Variants in TRPM3 observed in about 807,000 individuals in gnomAD.
TRPM3 encodes the protein transient receptor potential cation channel subfamily M member 3, also known as long transient receptor potential channel 3.
A neutral mutation model predicts 181.2 loss-of-function variants in TRPM3; 77 were observed. The observed-to-expected ratio is 0.42, with a 90% confidence interval of 0.35 to 0.51. The LOEUF is 0.51. Ranked by LOEUF, TRPM3 falls within the 20% of genes least tolerant of loss-of-function variation. The probability of loss-of-function intolerance (pLI) is 0.01; values close to 1 mark genes in which losing one functional copy is unlikely to be tolerated. For missense variants in TRPM3, 1,759 were observed against 2,196.7 expected (o/e 0.80, Z 3.98); for synonymous variants, 745 against 796.4 (o/e 0.94, Z 1.09).
At chr9:71,162,215 A>AAG (rs2076311818) in intron 1 of TRPM3, among the ~76,000 whole-genome samples, 1 of 150,520 alleles carries the variant, frequency 6.6e-6, no homozygotes, top group East Asian at 1.9e-4. Context: ...AAAAAAAAAA[A>AAG]AAAAAGAAGA....
At chr9:71,222,487 A>G (rs1451802491) in intron 1 of TRPM3, among the ~76,000 whole-genome samples, 1 of 152,202 alleles carries the variant, frequency 6.6e-6, no homozygotes, top group Non-Finnish European at 1.5e-5. Flanking sequence ...AAGTGCTTGT[A>G]GGGTTGAGGA....
At chr9:70,627,728 T>C (rs776285938) in intron 12 of TRPM3, among the ~76,000 whole-genome samples, 4 of 152,156 alleles carry the variant, frequency 2.6e-5, no homozygotes, top group Non-Finnish European at 1.5e-5. Context: ...GCATCATATA[T>C]GAGGTGGAAC....
intron 1 of TRPM3, among the ~76,000 whole-genome samples, chr9:71,367,168 A>T (rs1320434270): frequency 2.0e-5 from 3 of 152,210 alleles, no homozygotes; most frequent in South Asian, 2.1e-4. Flanking sequence ...GATACTGGCA[A>T]TGCTTTACCC....
intron 1 of TRPM3, among the ~76,000 whole-genome samples, chr9:70,993,784 CAAAA>C (rs745913831): frequency 2.4e-3 from 160 of 66,754 alleles, no homozygotes; most frequent in African/African-American, 8.2e-3. Context: ...GATTCCATCT[CAAAA>C]AAAAAAAAAA....
At chr9:70,867,559 T>C (rs968119240) in intron 1 of TRPM3, among the ~76,000 whole-genome samples, 5 of 152,122 alleles carry the variant, frequency 3.3e-5, no homozygotes, top group African/African-American at 1.2e-4. Context: ...ATTAGCAGAT[T>C]AATCATCTCC....
chr9:71,338,057 T>C (rs2132584654), intron 1 of TRPM3, among the ~76,000 whole-genome samples: 1 of 150,826 alleles, frequency 6.6e-6, no homozygotes, highest in Non-Finnish European at 1.5e-5. Flanking sequence ...ATTCTGCACA[T>C]GTACCTCAGA....
intron 22 of TRPM3, among the ~76,000 whole-genome samples, chr9:70,558,208 G>A (rs1328070850): frequency 6.6e-6 from 1 of 152,162 alleles, no homozygotes; most frequent in African/African-American, 2.4e-5. Flanking sequence ...CTCTATCACA[G>A]AGAACAGAAA....
intron 1 of TRPM3, among the ~76,000 whole-genome samples, chr9:71,167,062 A>G (rs527271239): frequency 1.3e-5 from 2 of 152,328 alleles, no homozygotes; most frequent in Non-Finnish European, 2.9e-5. Flanking sequence ...TACAAAAACA[A>G]ACAGAAAAAG....
chr9:71,067,622 T>C (rs2062102057), intron 1 of TRPM3, among the ~76,000 whole-genome samples: 1 of 152,206 alleles, frequency 6.6e-6, no homozygotes, highest in Admixed American at 6.5e-5. Context: ...ACTTACTTTC[T>C]GGGGAAATTA....
chr9:70,642,278 C>T (rs996490965), intron 9 of TRPM3, among the ~76,000 whole-genome samples: 7 of 152,032 alleles, frequency 4.6e-5, no homozygotes, highest in African/African-American at 1.7e-4. Context: ...GGTGGAACAG[C>T]CAAAGATAAA....
intron 1 of TRPM3, among the ~76,000 whole-genome samples, chr9:71,055,587 C>T (rs551696505): frequency 7.2e-5 from 11 of 152,154 alleles, no homozygotes; most frequent in Admixed American, 6.5e-4. Context: ...AGAGTAGCCT[C>T]AGCTCTCAGA....
At chr9:70,893,163 G>A (rs1055007038) in intron 1 of TRPM3, among the ~76,000 whole-genome samples, 25 of 152,102 alleles carry the variant, frequency 1.6e-4, no homozygotes, top group Non-Finnish European at 3.2e-4. Context: ...CACCAATAAT[G>A]CTTTTTCTAA....
intron 8 of TRPM3, among the ~76,000 whole-genome samples, chr9:70,692,967 T>C (rs957364802): frequency 1.3e-5 from 2 of 152,334 alleles, no homozygotes; most frequent in South Asian, 4.1e-4. Context: ...TGACATATCT[T>C]TCATCCTTGA....
At chr9:71,348,873 T>G (rs2091446800) in intron 1 of TRPM3, among the ~76,000 whole-genome samples, 1 of 152,062 alleles carries the variant, frequency 6.6e-6, no homozygotes. Context: ...GCCCAGCCAG[T>G]TTTGATTATT....
At chr9:70,863,192 T>C in intron 2 of TRPM3, 80 bp from the exon 3 acceptor site, 1 of 1,258,122 alleles carries the variant, frequency 7.9e-7, no homozygotes, top group Non-Finnish European at 1.1e-6. Context: ...GCTGGAGAAA[T>C]CTATAGTCTG....
At chr9:71,150,282 A>G (rs1191936112) in intron 1 of TRPM3, among the ~76,000 whole-genome samples, 2 of 152,170 alleles carry the variant, frequency 1.3e-5, no homozygotes, top group African/African-American at 4.8e-5. Flanking sequence ...AAAGATTGCT[A>G]TCATTCACAT....
rs566165398 is a variant in TRPM3 at position 70,594,262 on chromosome 9, T to C, written c.3049-3057A>G. 7.7e-4 allele frequency among the ~76,000 whole-genome samples: 117 copies of C among 152,180 alleles called. 1 individual carries two copies. The highest frequency in any genetic ancestry group is 2.1e-3 in the African/African-American group (86 of 41,528). On this transcript the variant is annotated intron_variant, in intron 21 of 25. Coordinates refer to ENST00000677713, the MANE Select transcript of TRPM3 (RefSeq NM_001366145.2). ...TTCAATGAGATGGCATGTGAAACAA[T>C]GTGGTAAGTTCTCCATAAATGTTAA...
intron 1 of TRPM3, among the ~76,000 whole-genome samples, chr9:71,072,832 C>T (rs1020956217): frequency 6.6e-6 from 1 of 152,262 alleles, no homozygotes; most frequent in African/African-American, 2.4e-5. Flanking sequence ...AACCAAGGCA[C>T]AAGTGTTTCT....
At chr9:71,446,012 A>G (rs1443921031) in intron 1 of TRPM3, among the ~76,000 whole-genome samples, 2 of 152,240 alleles carry the variant, frequency 1.3e-5, no homozygotes, top group Admixed American at 6.5e-5. Context: ...TGCCTATATT[A>G]ATTTCACTGG....
Sources: allele counts gnomAD v4.1 joint callset (sites outside exome capture counted in the v4.1 genomes callset), GRCh38; gene constraint gnomAD v4.1.1; transcripts MANE v1.5; gene names NCBI Gene and HGNC (gene_info 2026-07-23, HGNC 2026-07-21).